The following EXOSC7 variants were observed in gnomAD, a reference collection of about 807,000 sequenced individuals.
EXOSC7 encodes exosome complex component RRP42.
A neutral mutation model predicts 34.3 loss-of-function variants in EXOSC7; 25 were observed. The observed-to-expected ratio is 0.73, with a 90% CI of 0.53 to 1.02. The LOEUF (loss-of-function observed/expected upper bound fraction) is 1.02, where lower values mean the gene tolerates loss of function less well. Ranked by LOEUF, EXOSC7 falls within the 50% of genes least tolerant of loss-of-function variation. The pLI, the probability that EXOSC7 is intolerant of heterozygous loss-of-function variation, is 0.00. For missense variants in EXOSC7, 370 were observed against 368.5 expected (o/e 1.00, Z -0.03); for synonymous variants, 130 against 143.0 (o/e 0.91, Z 0.65).
chr3:44,999,188 A>T (rs1706808033), intron 4 of EXOSC7, among the ~76,000 whole-genome samples: 1 of 152,220 alleles, frequency 6.6e-6, no homozygotes, highest in Non-Finnish European at 1.5e-5. Flanking sequence ...ACTGATGACT[A>T]CTGGGACATT....
intron 3 of EXOSC7, among the ~76,000 whole-genome samples, chr3:44,992,836 G>A (rs1361707886): frequency 1.3e-5 from 2 of 152,024 alleles, no homozygotes; most frequent in East Asian, 3.8e-4. Flanking sequence ...TAGGACTGTG[G>A]TTTAACCTCT....
At position 45,007,550 on chromosome 3, in the gene EXOSC7, CAG is replaced by C. The variant is rs771384208; in HGVS notation, c.751_752del (p.Ser251HisfsTer58). On this transcript the variant is annotated frameshift_variant, in exon 7 of 8. Coordinates refer to ENST00000265564, the MANE Select transcript of EXOSC7 (RefSeq NM_015004.4). LOFTEE classifies it high-confidence loss of function. ...AAAGTGGGGAAGGGCAGCCTGGACC[CAG>C]AGAGCATCTTCGAGATGATGGAGGT... The C allele has an allele frequency of 6.2e-7, 1 of 1,611,758 alleles. No homozygotes were observed. Among genetic ancestry groups the C allele is most frequent in the Non-Finnish European group, 8.5e-7 (1 of 1,178,758 alleles).
intron 5 of EXOSC7, 72 bp downstream of exon 5, chr3:45,001,680 G>A: frequency 9.2e-7 from 1 of 1,090,628 alleles, no homozygotes; most frequent in Non-Finnish European, 1.4e-6. Flanking sequence ...GAACACTGAG[G>A]AAATTTCTAT....
chr3:45,006,874 C>T (rs1419795313), intron 6 of EXOSC7, among the ~76,000 whole-genome samples: 1 of 150,884 alleles, frequency 6.6e-6, no homozygotes, highest in Non-Finnish European at 1.5e-5. Context: ...CAGGCTCACA[C>T]CACCATATCT....
rs1707210716 is a variant in EXOSC7 at position 45,011,419 on chromosome 3, T to TA, written c.*81dup. 1 of 870,700 alleles carries TA rather than the reference T, an allele frequency of 1.1e-6. No individual in the cohort carries two copies. The highest frequency in any genetic ancestry group is 1.6e-5 in the South Asian group (1 of 62,856). The allele number at this position is 870,700 out of a possible 1,614,324, so 53.9% of individuals were successfully genotyped here. On this transcript the variant is annotated 3_prime_UTR_variant, in exon 8 of 8. Transcript: ENST00000265564. ...GTTCGTATATATTTTTCTTCGCTGTTACGAATTTACAGCAGCATTTGTACA... is the reference window on the plus strand; with the variant it reads ...GTTCGTATATATTTTTCTTCGCTGTTAACGAATTTACAGCAGCATTTGTACA...
rs182780440 is a variant in EXOSC7, at chr3:44,989,749, A to G, written c.254+105A>G. On this transcript the variant is annotated intron_variant, in intron 3 of 7. Coordinates refer to ENST00000265564, the MANE Select transcript of EXOSC7 (RefSeq NM_015004.4). ...TGTTGAACCCACTTTTATACTTATCATTCAGCCATCCAGCAGGCATTTGCT... is the reference window on the plus strand; with the variant it reads ...TGTTGAACCCACTTTTATACTTATCGTTCAGCCATCCAGCAGGCATTTGCT... 129 of 842,728 alleles carry G rather than the reference A, an allele frequency of 1.5e-4. 1 individual carries two copies. The East Asian group carries it at 3.1e-3, about 21-fold the overall frequency. The allele number at this position is 842,728 out of a possible 1,614,324, so 52.2% of individuals were successfully genotyped here. A position where few individuals can be genotyped will look rare whatever the true frequency, so the allele number is the denominator to read the frequency against.
At chr3:45,002,812 C>T (rs1706917714) in intron 5 of EXOSC7, among the ~76,000 whole-genome samples, 1 of 152,202 alleles carries the variant, frequency 6.6e-6, no homozygotes, top group South Asian at 2.1e-4. Flanking sequence ...AGCTGTGCCA[C>T]TAGGCTCCTT....
At chr3:45,008,002 C>T (rs574925245) in intron 7 of EXOSC7, among the ~76,000 whole-genome samples, 1 of 152,120 alleles carries the variant, frequency 6.6e-6, no homozygotes, top group Non-Finnish European at 1.5e-5. Context: ...GTGGCTGTCT[C>T]CCAAATTCGT....
chr3:44,989,018 T>C, intron 1 of EXOSC7, 122 bp from the exon 2 acceptor site: 1 of 624,440 alleles, frequency 1.6e-6, no homozygotes, highest in Non-Finnish European at 2.9e-6. Flanking sequence ...GAATTTTAGA[T>C]GATCCACTAA....
rs1196625617 is a variant in EXOSC7 at position 45,006,400 on chromosome 3, A to G, written c.615+986A>G. The stretch of plus-strand genomic sequence containing the variant: ...GCCGGCTTGTTCTTTCTTGTTGTTT[A>G]TTTGTTTTTTTTTTTTTTTTTTTTT... On this transcript the variant is annotated intron_variant, in intron 6 of 7. Transcript: ENST00000265564. Among the ~76,000 whole-genome samples, 11 of 70,702 alleles carry G rather than the reference A, an allele frequency of 1.6e-4. No homozygotes were observed. The South Asian group carries it at 2.6e-3, about 17-fold the overall frequency. The allele number at this position is 70,702 out of a possible 152,430, so 46.4% of individuals were successfully genotyped here. A position where few individuals can be genotyped will look rare whatever the true frequency, so the allele number is the denominator to read the frequency against.
chr3:44,993,543 G>A (rs1332317155), intron 3 of EXOSC7, among the ~76,000 whole-genome samples: 2 of 151,978 alleles, frequency 1.3e-5, no homozygotes, highest in Non-Finnish European at 2.9e-5. Context: ...AACCAGAGAT[G>A]TTCCAAGCAG....
intron 4 of EXOSC7, among the ~76,000 whole-genome samples, chr3:44,997,593 A>C (rs947573618): frequency 3.3e-5 from 5 of 152,224 alleles, no homozygotes; most frequent in Admixed American, 2.6e-4. Flanking sequence ...AGGTTGGTAC[A>C]TTCTGTGTGG....
rs5848721 is a variant in EXOSC7 at position 44,983,865 on chromosome 3, T to TAA, written c.58-5266_58-5265dup. Among the ~76,000 whole-genome samples, 525 of 150,592 alleles carry TAA rather than the reference T, an allele frequency of 3.5e-3. 3 individuals carry two copies. The highest frequency in any genetic ancestry group is 0.012 in the African/African-American group (500 of 41,126). ...AGCCTTTTATAAGGAAAACTGGGTT[T>TAA]AAAAAAAAAAGTTGCCCTGGGTACA... is the stretch of plus-strand genomic sequence containing the variant. On this transcript the variant is annotated intron_variant, in intron 1 of 7. Transcript: ENST00000265564.
intron 7 of EXOSC7, among the ~76,000 whole-genome samples, chr3:45,010,996 G>C (rs1340634674): frequency 1.3e-5 from 2 of 152,198 alleles, no homozygotes. Flanking sequence ...GTTGCCTGGT[G>C]GGGGCTGGTG....
chr3:44,986,430 G>A (rs1220867794), intron 1 of EXOSC7, among the ~76,000 whole-genome samples: 3 of 152,116 alleles, frequency 2.0e-5, no homozygotes, highest in East Asian at 1.9e-4. Context: ...CAGAACTCGC[G>A]CTGGCCCGCA....
chr3:45,001,579 T>C lies in EXOSC7; in HGVS notation c.462T>C (p.Ile154=). The C allele has an allele frequency of 6.2e-7, 1 of 1,613,648 alleles. No homozygotes were observed. The highest frequency in any genetic ancestry group is 8.5e-7 in the Non-Finnish European group (1 of 1,179,534). ...CGGNLFDAIS[I]AVKAALFNTR... The stretch of plus-strand genomic sequence containing the variant: ...GAAATTTGTTTGATGCCATTTCCAT[T>C]GCTGTAAAGGCTGCTCTCTTCAATA... Residue 154 remains isoleucine, a synonymous_variant, in exon 5 of 8, where the codon ATT becomes ATC. Coordinates refer to ENST00000265564, the MANE Select transcript of EXOSC7 (RefSeq NM_015004.4).
intron 3 of EXOSC7, among the ~76,000 whole-genome samples, chr3:44,993,505 T>G (rs578247424): frequency 5.3e-5 from 8 of 152,098 alleles, no homozygotes; most frequent in African/African-American, 1.9e-4. Flanking sequence ...CAGGTAGGCA[T>G]GGCCTTGATC....
chr3:44,993,889 A>T (rs562384803), intron 3 of EXOSC7, among the ~76,000 whole-genome samples: 1 of 152,300 alleles, frequency 6.6e-6, no homozygotes, highest in African/African-American at 2.4e-5. Context: ...CTTGACTCCA[A>T]CATTTGTTGT....
chr3:45,000,070 C>A (rs1305396032), intron 4 of EXOSC7, among the ~76,000 whole-genome samples: 1 of 152,158 alleles, frequency 6.6e-6, no homozygotes. Context: ...CCCCTCAGTT[C>A]GGTTATTTTA....
Sources: gnomAD v4.1 joint callset for allele counts (sites outside exome capture counted in the v4.1 genomes callset) on GRCh38, gnomAD v4.1.1 for gene constraint, MANE v1.5 for transcripts, NCBI Gene and HGNC (gene_info 2026-07-23, HGNC 2026-07-21) for gene names.